SLC35E3: variants seen among roughly 807,000 people sequenced by gnomAD.
The protein encoded by SLC35E3 is solute carrier family 35 member E3, also known as bladder cancer-overexpressed gene 1 protein.
SLC35E3 carries 28 observed loss-of-function variants against 30.8 expected under a neutral mutation model. That is an observed-to-expected ratio of 0.91 (90% confidence interval 0.67 to 1.25). SLC35E3 has a LOEUF of 1.25. Ranked by LOEUF, SLC35E3 falls within the 50% of genes most tolerant of loss-of-function variation. SLC35E3 has a pLI of 0.00. For synonymous variants in SLC35E3, 146 were observed against 149.2 expected (o/e 0.98, Z 0.16); for missense variants, 365 against 375.4 (o/e 0.97, Z 0.23).
rs1312824147 is a variant in SLC35E3, at chr12:68,767,992, A to G, written c.*3102A>G. Reference sequence around the variant, plus strand: ...AGCTGAGTTTATTTGTGCCATTTAGAAATTCGTAACTGTAGGCTGGGCGCA... The same window carrying G: ...AGCTGAGTTTATTTGTGCCATTTAGGAATTCGTAACTGTAGGCTGGGCGCA... On this transcript the variant is annotated 3_prime_UTR_variant, in exon 5 of 5. Transcript: ENST00000398004. 6.6e-6 allele frequency: 1 copy of G among 152,232 alleles called. No individual in the cohort carries two copies. Among genetic ancestry groups the G allele is most frequent in the Non-Finnish European group, 1.5e-5 (1 of 68,056 alleles). 9.4% of individuals were successfully genotyped at this position (152,232 alleles called of 1,614,324 possible). A position where few individuals can be genotyped will look rare whatever the true frequency, so the allele number is the denominator to read the frequency against.
chr12:68,746,659 T>C lies in SLC35E3; in HGVS notation c.282T>C (p.Ser94=), dbSNP rs937757443. ...GCTTTGTGGTCTTCACTAACCTTTC[T>C]CTGCAGAACAACACCATAGGCACCT... is the stretch of plus-strand genomic sequence containing the variant. The part of the protein sequence containing the change: ...FCGFVVFTNL[S]LQNNTIGTYQ... Residue 94 remains serine, a synonymous_variant, in exon 1 of 5, where the codon TCT becomes TCC. Transcript: ENST00000398004. The C allele has an allele frequency of 5.0e-6, 8 of 1,614,100 alleles. No homozygotes were observed. In the Admixed American group the frequency reaches 1.3e-4, roughly 27 times the overall value.
At chr12:68,762,413 C>T (rs940118564) in intron 4 of SLC35E3, among the ~76,000 whole-genome samples, 8 of 151,974 alleles carry the variant, frequency 5.3e-5, no homozygotes, top group South Asian at 2.1e-4. Flanking sequence ...GAGGCGGGGT[C>T]GGTGTCTGTG....
intron 4 of SLC35E3, among the ~76,000 whole-genome samples, chr12:68,760,897 G>A (rs1047917279): frequency 3.3e-5 from 5 of 152,138 alleles, no homozygotes; most frequent in South Asian, 2.1e-4. Flanking sequence ...AAAATAAAGC[G>A]GGGAAGAGAA....
At chr12:68,751,676 TTC>T (rs1878799590) in intron 2 of SLC35E3, among the ~76,000 whole-genome samples, 2 of 152,176 alleles carry the variant, frequency 1.3e-5, no homozygotes, top group Admixed American at 1.3e-4. Context: ...TCACCTGAAT[TTC>T]TATTTCTCCC....
At chr12:68,748,717 C>T (rs1245444023) in intron 2 of SLC35E3, among the ~76,000 whole-genome samples, 10 of 152,102 alleles carry the variant, frequency 6.6e-5, no homozygotes, top group Non-Finnish European at 1.5e-4. Flanking sequence ...AAATAACTTG[C>T]TGTAGGGGAC....
Position 68,771,548 on chromosome 12 carries a change from G to C in SLC35E3, c.*6658G>C, listed in dbSNP as rs1879601443. 1 of 152,310 alleles carries C rather than the reference G, an allele frequency of 6.6e-6. No individual in the cohort carries two copies. Among genetic ancestry groups the C allele is most frequent in the Admixed American group, 6.5e-5 (1 of 15,282 alleles). 9.4% of individuals were successfully genotyped at this position (152,310 alleles called of 1,614,324 possible). A position where few individuals can be genotyped will look rare whatever the true frequency, so the allele number is the denominator to read the frequency against. ...GTGGGAGGAAAATGGGCCGGGCACT[G>C]TGGCTTATGCCTGTAATCCCAACAT... On this transcript the variant is annotated 3_prime_UTR_variant, in exon 5 of 5. Transcript: ENST00000398004.
At chr12:68,752,752 T>A (rs1878851412) in intron 3 of SLC35E3, among the ~76,000 whole-genome samples, 1 of 152,078 alleles carries the variant, frequency 6.6e-6, no homozygotes, top group Admixed American at 6.6e-5. Context: ...ATGCCTGTAA[T>A]CCTGGGAATT....
At chr12:68,757,960 C>A (rs997540114) in intron 3 of SLC35E3, among the ~76,000 whole-genome samples, 1 of 151,514 alleles carries the variant, frequency 6.6e-6, no homozygotes, top group Admixed American at 6.6e-5. Flanking sequence ...GGTGTGGTGG[C>A]ATGGGCCTGT....
At position 68,771,711 on chromosome 12, in the gene SLC35E3, C is replaced by CG. The variant is rs11436963; in HGVS notation, c.*6823dup. 0.13 allele frequency: 20,408 copies of CG among 152,218 alleles called. 2,735 individuals carry two copies. Among genetic ancestry groups the CG allele is most frequent in the African/African-American group, 0.35 (14,324 of 41,480 alleles). The allele number at this position is 152,218 out of a possible 1,614,324, so 9.4% of individuals were successfully genotyped here. On this transcript the variant is annotated 3_prime_UTR_variant, in exon 5 of 5. Coordinates refer to ENST00000398004, the MANE Select transcript of SLC35E3 (RefSeq NM_018656.5). ...GAAAGAAACCTGCCAAGCAAAAGTC[C>CG]GGTCTCAGCCCGGGAGCTAGTAGCA...
rs148037745 is a variant in SLC35E3 at position 68,769,199 on chromosome 12, G to A, written c.*4309G>A. 0.15 allele frequency: 22,647 copies of A among 151,720 alleles called. 2,087 individuals are homozygous for A. Among genetic ancestry groups the A allele is most frequent in the South Asian group, 0.33 (1,581 of 4,794 alleles). The allele number at this position is 151,720 out of a possible 1,614,324, so 9.4% of individuals were successfully genotyped here. On this transcript the variant is annotated 3_prime_UTR_variant, in exon 5 of 5. Coordinates refer to ENST00000398004, the MANE Select transcript of SLC35E3 (RefSeq NM_018656.5). ...GGAGGTTGCAGTGAGCCGAGATCAC[G>A]CCACTGCACTCCAGCCTGGGCAACA...
chr12:68,746,855 C>G lies in SLC35E3; in HGVS notation c.402+76C>G, dbSNP rs143257747. ...ACTGGCCCCGGGAAATTCGAACGCA[C>G]ACTGGTCTTTCCCTTCATCTTGAAA... On this transcript the variant is annotated intron_variant, in intron 1 of 4. Coordinates refer to ENST00000398004, the MANE Select transcript of SLC35E3 (RefSeq NM_018656.5). 7,440 of 1,409,808 alleles carry G rather than the reference C, an allele frequency of 5.3e-3. 35 individuals carry two copies. Among genetic ancestry groups the G allele is most frequent in the Middle Eastern group, 5.9e-3 (32 of 5,390 alleles). The allele number at this position is 1,409,808 out of a possible 1,614,324, so 87.3% of individuals were successfully genotyped here. A position where few individuals can be genotyped will look rare whatever the true frequency, so the allele number is the denominator to read the frequency against.
At position 68,746,548 on chromosome 12, in the gene SLC35E3, C is replaced by G; in HGVS notation, c.171C>G (p.Gly57=). Residue 57 remains glycine (G), a synonymous_variant, in exon 1 of 5, where the codon GGC becomes GGG. Coordinates refer to ENST00000398004, the MANE Select transcript of SLC35E3 (RefSeq NM_018656.5). ...TGCACTTCGTGGTCACCTGGCTGGG[C>G]TTGTATATCTGCCAGAAGCTGGACA... The part of the protein sequence containing the change: ...TLVHFVVTWL[G]LYICQKLDIF... The G allele has an allele frequency of 6.2e-7, 1 of 1,614,214 alleles. No homozygotes were observed. The highest frequency in any genetic ancestry group is 8.5e-7 in the Non-Finnish European group (1 of 1,180,012).
intron 2 of SLC35E3, among the ~76,000 whole-genome samples, chr12:68,751,407 C>G (rs959662896): frequency 1.3e-5 from 2 of 151,976 alleles, no homozygotes; most frequent in African/African-American, 2.4e-5. Context: ...AAGCGATTCT[C>G]CTGCTCAGCG....
In SLC35E3 at chr12:68,767,516, G is replaced by C. The variant is rs1235576501; in HGVS notation, c.*2626G>C. 1.0e-5 allele frequency: 1 copy of C among 98,812 alleles called. No individual in the cohort carries two copies. Among genetic ancestry groups the C allele is most frequent in the African/African-American group, 3.2e-5 (1 of 31,292 alleles). 6.1% of individuals were successfully genotyped at this position (98,812 alleles called of 1,614,324 possible). A position where few individuals can be genotyped will look rare whatever the true frequency, so the allele number is the denominator to read the frequency against. ...TGGGCGACAGACTGGACTCTGTCTC[G>C]GGAAAAAAAAAAAAAAAAAAAGGGA... is the stretch of plus-strand genomic sequence containing the variant. On this transcript the variant is annotated 3_prime_UTR_variant, in exon 5 of 5. Coordinates refer to ENST00000398004, the MANE Select transcript of SLC35E3 (RefSeq NM_018656.5).
chr12:68,762,304 T>G (rs1264430605), intron 4 of SLC35E3, among the ~76,000 whole-genome samples: 2 of 151,978 alleles, frequency 1.3e-5, no homozygotes, highest in African/African-American at 4.8e-5. Context: ...AGTCCAGTAT[T>G]TGGAATTCAG....
intron 2 of SLC35E3, among the ~76,000 whole-genome samples, chr12:68,750,027 C>T (rs181389481): frequency 2.7e-4 from 41 of 152,244 alleles, no homozygotes; most frequent in Admixed American, 2.6e-3. Context: ...CAGGAACCTA[C>T]CTGTACTTCA....
intron 4 of SLC35E3, 94 bp downstream of exon 4, chr12:68,759,333 G>A: frequency 2.3e-6 from 2 of 867,936 alleles, no homozygotes; most frequent in South Asian, 1.5e-5. Context: ...ACTAACTATT[G>A]CATGGCCTAA....
rs1013705572 is a variant in SLC35E3, at chr12:68,765,400, T to C, written c.*510T>C. On this transcript the variant is annotated 3_prime_UTR_variant, in exon 5 of 5. Coordinates refer to ENST00000398004, the MANE Select transcript of SLC35E3 (RefSeq NM_018656.5). ...TCTCTAAAACCGAAATGGTTCATGC[T>C]TCTTTTTAAAAATGATTGTATAAAA... is the stretch of plus-strand genomic sequence containing the variant. 1 of 152,222 alleles carries C rather than the reference T, an allele frequency of 6.6e-6. No homozygotes were observed. Among genetic ancestry groups the C allele is most frequent in the Non-Finnish European group, 1.5e-5 (1 of 68,162 alleles). The allele number at this position is 152,222 out of a possible 1,614,324, so 9.4% of individuals were successfully genotyped here. A position where few individuals can be genotyped will look rare whatever the true frequency, so the allele number is the denominator to read the frequency against.
Position 68,772,659 on chromosome 12 carries a change from T to C in SLC35E3, c.*7769T>C, listed in dbSNP as rs1879633453. The C allele has an allele frequency of 6.6e-6, 1 of 152,232 alleles. No individual in the cohort carries two copies. The highest frequency in any genetic ancestry group is 6.5e-5 in the Admixed American group (1 of 15,278). 9.4% of individuals were successfully genotyped at this position (152,232 alleles called of 1,614,324 possible). A position where few individuals can be genotyped will look rare whatever the true frequency, so the allele number is the denominator to read the frequency against. On this transcript the variant is annotated 3_prime_UTR_variant, in exon 5 of 5. Transcript: ENST00000398004. ...TTAACTAAAAATGTCTCGTAACTAC[T>C]ATGCCACAAGAACAAGCATGGATAC...
Sources: gnomAD v4.1 joint callset for allele counts (sites outside exome capture counted in the v4.1 genomes callset) on GRCh38, gnomAD v4.1.1 for gene constraint, MANE v1.5 for transcripts, NCBI Gene and HGNC (gene_info 2026-07-23, HGNC 2026-07-21) for gene names.